ALDH1A1: variants seen among roughly 807,000 people sequenced by gnomAD.
The protein encoded by ALDH1A1 is aldehyde dehydrogenase 1 family member A1.
Under a neutral mutation model 62.1 loss-of-function variants are expected in ALDH1A1, and 19 were observed. The ratio of observed to expected loss-of-function variants is 0.31; its 90% CI spans 0.21 to 0.45. ALDH1A1 has a LOEUF of 0.45. Among genes scored for constraint, ALDH1A1 ranks in the 20% least tolerant of loss-of-function variants. The probability of loss-of-function intolerance (pLI) is 1.00; values close to 1 mark genes in which losing one functional copy is unlikely to be tolerated. For missense variants in ALDH1A1, 521 were observed against 607.1 expected (o/e 0.86, Z 1.49); for synonymous variants, 231 against 215.9 (o/e 1.07, Z -0.61).
intron 7 of ALDH1A1, among the ~76,000 whole-genome samples, chr9:72,921,459 G>C (rs550313600): frequency 1.3e-5 from 2 of 150,196 alleles, no homozygotes; most frequent in South Asian, 4.2e-4. Flanking sequence ...TTGAAAGTAG[G>C]ATGGGTTTTG....
chr9:72,916,179 C>T (rs1007472788), intron 9 of ALDH1A1, among the ~76,000 whole-genome samples: 6 of 152,004 alleles, frequency 3.9e-5, no homozygotes, highest in Admixed American at 2.6e-4. Flanking sequence ...CCAAATGTCC[C>T]CGGGGTGAGG....
intron 5 of ALDH1A1, 119 bp downstream of exon 5, chr9:72,926,997 C>A: frequency 1.3e-6 from 1 of 741,624 alleles, no homozygotes; most frequent in Non-Finnish European, 2.2e-6. Context: ...ACAAATCTTA[C>A]ATTTACTCCA....
chr9:72,917,236 C>CA (rs1830077791), intron 8 of ALDH1A1, 132 bp from the exon 9 acceptor site: 7 of 585,260 alleles, frequency 1.2e-5, no homozygotes, highest in Non-Finnish European at 1.3e-5. Context: ...TATAGTTTAC[C>CA]TCCTACCAGC....
At position 72,927,033 on chromosome 9, in the gene ALDH1A1, T is replaced by C. The variant is rs1588138515; in HGVS notation, c.504+83A>G. On this transcript the variant is annotated intron_variant, in intron 5 of 12. Coordinates refer to ENST00000297785, the MANE Select transcript of ALDH1A1 (RefSeq NM_000689.5). ...CATTTAACAAATACATAAGCATCCA[T>C]CTGTTTTAGAGAAAGCTTCATCATT... 1.2e-5 allele frequency: 12 copies of C among 974,600 alleles called. No homozygotes were observed. The East Asian group carries it at 2.2e-4, about 18-fold the overall frequency. The allele number at this position is 974,600 out of a possible 1,614,324, so 60.4% of individuals were successfully genotyped here.
At chr9:72,919,581 A>G (rs910433671) in intron 7 of ALDH1A1, among the ~76,000 whole-genome samples, 1 of 152,240 alleles carries the variant, frequency 6.6e-6, no homozygotes, top group Non-Finnish European at 1.5e-5. Flanking sequence ...ATTTGTATAG[A>G]AATACATTTC....
chr9:72,911,676 A>G (rs1041971048), intron 10 of ALDH1A1, among the ~76,000 whole-genome samples: 1 of 152,210 alleles, frequency 6.6e-6, no homozygotes, highest in Non-Finnish European at 1.5e-5. Context: ...TGCAAATGAC[A>G]GGATTCTTTT....
intron 9 of ALDH1A1, among the ~76,000 whole-genome samples, chr9:72,915,329 C>T (rs574507522): frequency 1.3e-5 from 2 of 151,970 alleles, no homozygotes; most frequent in Non-Finnish European, 2.9e-5. Context: ...AAGTACTGCC[C>T]AACAATTAGG....
At position 72,914,924 on chromosome 9, in the gene ALDH1A1, C is replaced by G. The variant is rs1346914684; in HGVS notation, c.1035+1996G>C. On this transcript the variant is annotated intron_variant, in intron 9 of 12. Coordinates refer to ENST00000297785, the MANE Select transcript of ALDH1A1 (RefSeq NM_000689.5). ...AAAAGCCTCAGTTCACTCAACCACC[C>G]CTGGATGAGGCAATAGGCTAAAGCT... Among the ~76,000 whole-genome samples, 3 of 152,130 alleles carry G rather than the reference C, an allele frequency of 2.0e-5. No individual in the cohort carries two copies. The East Asian group carries it at 5.8e-4, about 29-fold the overall frequency.
At chr9:72,920,123 C>T (rs2118519394) in intron 7 of ALDH1A1, among the ~76,000 whole-genome samples, 1 of 152,164 alleles carries the variant, frequency 6.6e-6, no homozygotes. Context: ...TCTATCCCAA[C>T]TGAACAAGAG....
rs549325455 is a variant in ALDH1A1 at position 72,903,397 on chromosome 9, C to T, written c.1434-2117G>A. Among the ~76,000 whole-genome samples, 13 of 152,022 alleles carry T rather than the reference C, an allele frequency of 8.6e-5. No individual in the cohort carries two copies. In the South Asian group the frequency reaches 1.0e-3, roughly 12 times the overall value. On this transcript the variant is annotated intron_variant, in intron 12 of 12. Transcript: ENST00000297785. ...CTGGGGTCTGCATAACACCATTTTT[C>T]GCTCTTTGAGGACTCTGTTCTCAAC...
At chr9:72,920,920 A>G (rs1360059776) in intron 7 of ALDH1A1, among the ~76,000 whole-genome samples, 1 of 152,228 alleles carries the variant, frequency 6.6e-6, no homozygotes, top group East Asian at 1.9e-4. Flanking sequence ...CTAGCTTATT[A>G]TGTCTTGCAT....
intron 6 of ALDH1A1, 145 bp downstream of exon 6, chr9:72,925,339 G>T: frequency 2.2e-6 from 2 of 922,148 alleles, no homozygotes; most frequent in Admixed American, 3.3e-5. Flanking sequence ...AGAAATTGCA[G>T]CCAGCCGTCA....
chr9:72,944,636 T>A lies in ALDH1A1; in HGVS notation c.67-4384A>T, dbSNP rs148319986. On this transcript the variant is annotated intron_variant, in intron 1 of 12. Coordinates refer to ENST00000297785, the MANE Select transcript of ALDH1A1 (RefSeq NM_000689.5). ...AATGTTTGTTATAATAATTATAAAA[T>A]TTACATTAGGCTTGTTTAATGTTCT... Among the ~76,000 whole-genome samples the A allele has an allele frequency of 7.6e-3, 1,152 of 152,218 alleles. 13 individuals carry two copies. The highest frequency in any genetic ancestry group is 0.026 in the African/African-American group (1,094 of 41,558).
Position 72,901,119 on chromosome 9 carries a change from G to GA in ALDH1A1, c.*88dup, listed in dbSNP as rs768386641. The stretch of plus-strand genomic sequence containing the variant: ...CTTATGTTTAAAAAAATCAAGAAAA[G>GA]AAAAATTTTGTCTTTAAAATCTACT... On this transcript the variant is annotated 3_prime_UTR_variant, in exon 13 of 13. Coordinates refer to ENST00000297785, the MANE Select transcript of ALDH1A1 (RefSeq NM_000689.5). The GA allele has an allele frequency of 8.7e-5, 87 of 996,556 alleles. No individual in the cohort carries two copies. Among genetic ancestry groups the GA allele is most frequent in the Non-Finnish European group, 1.2e-4 (81 of 679,920 alleles). 61.7% of individuals were successfully genotyped at this position (996,556 alleles called of 1,614,324 possible).
intron 1 of ALDH1A1, among the ~76,000 whole-genome samples, chr9:72,942,843 G>C (rs1588144770): frequency 1.3e-5 from 2 of 152,154 alleles, no homozygotes; most frequent in African/African-American, 4.8e-5. Context: ...ATGAAGATTT[G>C]ACTAGTTGCT....
intron 1 of ALDH1A1, among the ~76,000 whole-genome samples, chr9:72,944,304 G>A (rs1830450150): frequency 6.6e-6 from 1 of 152,048 alleles, no homozygotes; most frequent in Non-Finnish European, 1.5e-5. Flanking sequence ...TAACAGTGCA[G>A]TCTACAAATT....
In ALDH1A1 at chr9:72,916,994, G is replaced by A; in HGVS notation, c.961C>T (p.Arg321Ter). The change falls in exon 9 of 13, where the codon CGA becomes TGA. Residue 321 changes from arginine (R) to a stop codon, truncating the protein, a stop_gained. Coordinates refer to ENST00000297785, the MANE Select transcript of ALDH1A1 (RefSeq NM_000689.5). LOFTEE classifies it high-confidence loss of function. ...TTCTTAGCCCGCTCAACACTCCTTCGAACAAACTCATCATAAATTGATTCT... is the reference window on the plus strand; with the variant it reads ...TTCTTAGCCCGCTCAACACTCCTTCAAACAAACTCATCATAAATTGATTCT... Reference protein sequence around the residue: ...VEESIYDEFVRRSVERAKKYI... With the variant: ...VEESIYDEFV The A allele has an allele frequency of 6.2e-7, 1 of 1,613,778 alleles. No individual in the cohort carries two copies.
chr9:72,905,828 T>C lies in ALDH1A1; in HGVS notation c.1433+130A>G, dbSNP rs763269354. The C allele has an allele frequency of 9.9e-5, 67 of 677,986 alleles. No homozygotes were observed. In the Middle Eastern group the frequency reaches 2.3e-3, roughly 23 times the overall value. 42.0% of individuals were successfully genotyped at this position (677,986 alleles called of 1,614,324 possible). A position where few individuals can be genotyped will look rare whatever the true frequency, so the allele number is the denominator to read the frequency against. ...TACATCCCACATTTAATAAGCTATT[T>C]GGTGCTATGAATCTCCAGGAAAGAA... On this transcript the variant is annotated intron_variant, in intron 12 of 12. Transcript: ENST00000297785.
chr9:72,930,463 A>G (rs1193245387), intron 3 of ALDH1A1, among the ~76,000 whole-genome samples: 2 of 152,168 alleles, frequency 1.3e-5, no homozygotes, highest in Non-Finnish European at 2.9e-5. Flanking sequence ...ATTTTAGAGA[A>G]ATATTTTGGG....
Sources: gnomAD v4.1 joint callset for allele counts (sites outside exome capture counted in the v4.1 genomes callset) on GRCh38, gnomAD v4.1.1 for gene constraint, MANE v1.5 for transcripts, NCBI Gene and HGNC (gene_info 2026-07-23, HGNC 2026-07-21) for gene names.